CEP128: variants seen among roughly 807,000 people sequenced by gnomAD.
CEP128 encodes centrosomal protein 128, also known as centrosomal protein 128kDa.
Under a neutral mutation model 156.7 loss-of-function variants are expected in CEP128, and 132 were observed. The observed-to-expected ratio is 0.84, with a 90% CI of 0.73 to 0.97. The LOEUF (loss-of-function observed/expected upper bound fraction) is 0.97. Among genes scored for constraint, CEP128 ranks in the 50% least tolerant of loss-of-function variants. The pLI is 0.00. For missense variants in CEP128, 1,252 were observed against 1,281.9 expected (o/e 0.98, Z 0.36); for synonymous variants, 469 against 448.9 (o/e 1.04, Z -0.57).
At chr14:80,630,361 T>C (rs1893911093) in intron 19 of CEP128, among the ~76,000 whole-genome samples, 1 of 151,986 alleles carries the variant, frequency 6.6e-6, no homozygotes. Flanking sequence ...GTTACCAAGA[T>C]TAAGTAGTAT....
intron 2 of CEP128, among the ~76,000 whole-genome samples, chr14:80,938,653 C>T (rs747374810): frequency 6.6e-6 from 1 of 152,098 alleles, no homozygotes; most frequent in Non-Finnish European, 1.5e-5. Context: ...AGAATTTTTA[C>T]ATCTATGTTG....
At chr14:80,615,923 T>G (rs1166077657) in intron 19 of CEP128, among the ~76,000 whole-genome samples, 1 of 152,122 alleles carries the variant, frequency 6.6e-6, no homozygotes, top group Non-Finnish European at 1.5e-5. Flanking sequence ...CCCACCAGTG[T>G]ACAAGATTGA....
At chr14:80,515,850 A>G (rs865908399) in intron 23 of CEP128, among the ~76,000 whole-genome samples, 12 of 152,172 alleles carry the variant, frequency 7.9e-5, no homozygotes, top group South Asian at 2.1e-4. Context: ...ACCCATGGCG[A>G]GTACTGCCTG....
intron 23 of CEP128, among the ~76,000 whole-genome samples, chr14:80,509,138 C>T (rs148479843): frequency 6.6e-6 from 1 of 152,246 alleles, no homozygotes; most frequent in African/African-American, 2.4e-5. Context: ...CAATGACCTC[C>T]CATTTGGTCC....
intron 19 of CEP128, among the ~76,000 whole-genome samples, chr14:80,691,723 T>A (rs1359317230): frequency 2.6e-5 from 4 of 152,152 alleles, no homozygotes; most frequent in Middle Eastern, 3.2e-3. Flanking sequence ...AAATTGCAGA[T>A]TTTGGAGATC....
intron 8 of CEP128, among the ~76,000 whole-genome samples, chr14:80,880,178 T>C (rs1489103846): frequency 6.6e-6 from 1 of 152,038 alleles, no homozygotes; most frequent in Non-Finnish European, 1.5e-5. Context: ...ATTAAACATA[T>C]GCAAATTGAT....
At chr14:80,923,589 T>C (rs1884993309) in intron 2 of CEP128, among the ~76,000 whole-genome samples, 1 of 152,172 alleles carries the variant, frequency 6.6e-6, no homozygotes, top group African/African-American at 2.4e-5. Flanking sequence ...GCATGTTAAG[T>C]AGGTGATTGC....
At chr14:80,731,341 G>A (rs1362668096) in intron 19 of CEP128, among the ~76,000 whole-genome samples, 1 of 152,134 alleles carries the variant, frequency 6.6e-6, no homozygotes, top group Non-Finnish European at 1.5e-5. Context: ...CCCAGCCTAA[G>A]CTGCCTCAAC....
At chr14:80,791,258 A>G (rs1901690651) in intron 14 of CEP128, among the ~76,000 whole-genome samples, 1 of 152,194 alleles carries the variant, frequency 6.6e-6, no homozygotes, top group Admixed American at 6.5e-5. Flanking sequence ...GAGAAATTAC[A>G]ATGCCTGCTG....
intron 19 of CEP128, among the ~76,000 whole-genome samples, chr14:80,610,176 A>G (rs1892939987): frequency 6.6e-6 from 1 of 152,150 alleles, no homozygotes; most frequent in Non-Finnish European, 1.5e-5. Context: ...TTTTCCAAAT[A>G]AATGTCTATT....
chr14:80,839,738 T>A (rs73338192), intron 10 of CEP128, among the ~76,000 whole-genome samples: 3,102 of 152,174 alleles, frequency 0.02, 39 homozygotes, highest in Middle Eastern at 0.068. Context: ...TCCCAATATA[T>A]AATTTTTTAA....
rs537990791 is a variant in CEP128, at chr14:80,793,120, A to C, written c.1210-10T>G. The C allele has an allele frequency of 2.9e-5, 46 of 1,598,862 alleles. No individual in the cohort carries two copies. The South Asian group carries it at 4.9e-4, about 17-fold the overall frequency. On this transcript the variant is annotated splice_polypyrimidine_tract_variant and intron_variant, in intron 13 of 24. Transcript: ENST00000555265. ...GTTCACGTGTTAAATTCTACGAATA[A>C]AGCATGCAAAACATTAGGAACAAAT...
At chr14:80,935,599 T>TAAATAAAA (rs1239911844) in intron 2 of CEP128, among the ~76,000 whole-genome samples, 35 of 46,274 alleles carry the variant, frequency 7.6e-4, no homozygotes, top group African/African-American at 2.3e-3. Context: ...AATAAATAAA[T>TAAATAAAA]AAAAATAAAG....
intron 23 of CEP128, among the ~76,000 whole-genome samples, chr14:80,524,382 G>A (rs1183359361): frequency 6.6e-6 from 1 of 152,116 alleles, no homozygotes; most frequent in Non-Finnish European, 1.5e-5. Flanking sequence ...GATGGAGTAA[G>A]GGGCACATTC....
At chr14:80,533,467 T>C (rs1006115423) in intron 21 of CEP128, among the ~76,000 whole-genome samples, 2 of 152,160 alleles carry the variant, frequency 1.3e-5, no homozygotes, top group Admixed American at 1.3e-4. Flanking sequence ...GTTAAGTAAA[T>C]AGTTTTGCTT....
intron 19 of CEP128, among the ~76,000 whole-genome samples, chr14:80,704,965 C>T (rs749522513): frequency 2.6e-5 from 4 of 152,076 alleles, no homozygotes; most frequent in Non-Finnish European, 4.4e-5. Flanking sequence ...TCCAAAGCCA[C>T]TTAACCACCC....
chr14:80,541,738 G>A (rs1889772536), intron 21 of CEP128, among the ~76,000 whole-genome samples: 1 of 152,122 alleles, frequency 6.6e-6, no homozygotes, highest in Non-Finnish European at 1.5e-5. Context: ...ATGCCATCGT[G>A]ACTTTATACA....
intron 19 of CEP128, among the ~76,000 whole-genome samples, chr14:80,692,921 C>T (rs1372614656): frequency 6.6e-6 from 1 of 152,162 alleles, no homozygotes; most frequent in African/African-American, 2.4e-5. Flanking sequence ...TTATATCCCC[C>T]GGTCTAAGTC....
At chr14:80,567,309 C>T (rs991350194) in intron 20 of CEP128, among the ~76,000 whole-genome samples, 4 of 151,856 alleles carry the variant, frequency 2.6e-5, no homozygotes, top group Non-Finnish European at 4.4e-5. Context: ...GGTATGTGTA[C>T]GGGTTTGTGG....
Sources: allele counts gnomAD v4.1 joint callset (sites outside exome capture counted in the v4.1 genomes callset), GRCh38; gene constraint gnomAD v4.1.1; transcripts MANE v1.5; gene names NCBI Gene and HGNC (gene_info 2026-07-23, HGNC 2026-07-21).